IARS2: variants seen among roughly 807,000 people sequenced by gnomAD.
The protein encoded by IARS2 is isoleucyl-tRNA synthetase 2, mitochondrial, also known as isoleucine--tRNA ligase, mitochondrial.
In IARS2, 56 loss-of-function variants were observed where a neutral mutation model predicts 126.3. The ratio of observed to expected loss-of-function variants is 0.44; its 90% CI spans 0.36 to 0.55. The LOEUF (loss-of-function observed/expected upper bound fraction) is 0.55, where lower values mean the gene tolerates loss of function less well. Among genes scored for constraint, IARS2 ranks in the 20% least tolerant of loss-of-function variants. The probability of loss-of-function intolerance (pLI) is 0.00; values close to 1 mark genes in which losing one functional copy is unlikely to be tolerated. For synonymous variants in IARS2, 407 were observed against 441.1 expected, an observed-to-expected ratio of 0.92 and a Z score of 0.97; for missense variants, 1,127 against 1,245.9, an observed-to-expected ratio of 0.90 and a Z score of 1.44.
chr1:220,125,368 T>C, intron 13 of IARS2, 29 bp downstream of exon 13: 1 of 1,346,920 alleles, frequency 7.4e-7, no homozygotes, highest in East Asian at 2.3e-5. Context: ...TTAACAGCCT[T>C]TGTATGTATT....
chr1:220,136,992 C>T, intron 16 of IARS2, 81 bp downstream of exon 16: 1 of 725,704 alleles, frequency 1.4e-6, no homozygotes, highest in Non-Finnish European at 2.3e-6. Flanking sequence ...ATAGTTACTT[C>T]AATGTAAAAA....
chr1:220,126,724 G>C, intron 13 of IARS2, 26 bp from the exon 14 acceptor site: 1 of 1,544,504 alleles, frequency 6.5e-7, no homozygotes, highest in Non-Finnish European at 8.9e-7. Context: ...TTGTGTACCT[G>C]ACATGCTTTT....
chr1:220,124,836 T>C (rs767996160), intron 12 of IARS2, among the ~76,000 whole-genome samples: 45 of 152,206 alleles, frequency 3.0e-4, no homozygotes, highest in Admixed American at 8.5e-4. Context: ...TCTCAGACCA[T>C]TGATTGCATC....
chr1:220,113,993 A>G (rs1425897257), intron 11 of IARS2, among the ~76,000 whole-genome samples: 1 of 152,170 alleles, frequency 6.6e-6, no homozygotes, highest in Non-Finnish European at 1.5e-5. Flanking sequence ...GAAAGCTTTT[A>G]TTACCAGTTT....
chr1:220,102,240 CCAAA>C lies in IARS2; in HGVS notation c.665_668del (p.Lys222SerfsTer2). ...TATACATTTGATGGGAAGTATGAAG[CCAAA>C]CAGTTGAGAACTTTTTACCAAATGT... is the stretch of plus-strand genomic sequence containing the variant. On this transcript the variant is annotated frameshift_variant, in exon 4 of 23. Transcript: ENST00000366922. LOFTEE classifies it high-confidence loss of function. 1 of 1,610,456 alleles carries C rather than the reference CCAAA, an allele frequency of 6.2e-7. No individual in the cohort carries two copies. Among genetic ancestry groups the C allele is most frequent in the Non-Finnish European group, 8.5e-7 (1 of 1,179,236 alleles).
chr1:220,117,476 A>G (rs539186411), intron 12 of IARS2, among the ~76,000 whole-genome samples: 4 of 152,170 alleles, frequency 2.6e-5, no homozygotes, highest in African/African-American at 9.6e-5. Flanking sequence ...CTGGGATTAC[A>G]GGCGTGAGCC....
chr1:220,106,436 A>G (rs1382431953), intron 9 of IARS2, among the ~76,000 whole-genome samples: 3 of 152,152 alleles, frequency 2.0e-5, no homozygotes, highest in Non-Finnish European at 4.4e-5. Flanking sequence ...CGTTTAGTTA[A>G]AAGGTGAGTC....
At chr1:220,124,799 T>C (rs966888560) in intron 12 of IARS2, among the ~76,000 whole-genome samples, 1 of 152,120 alleles carries the variant, frequency 6.6e-6, no homozygotes, top group African/African-American at 2.4e-5. Flanking sequence ...TTTTGTAAAG[T>C]AAAGGGATGA....
rs114053921 is a variant in IARS2, at chr1:220,131,730, C to T, written c.1838-2672C>T. Among the ~76,000 whole-genome samples the T allele has an allele frequency of 3.4e-3, 508 of 151,050 alleles. 2 individuals are homozygous for T. Among genetic ancestry groups the T allele is most frequent in the Middle Eastern group, 0.01 (3 of 288 alleles). On this transcript the variant is annotated intron_variant, in intron 14 of 22. Transcript: ENST00000366922. ...CGAACTCCTGACCTCAAGGGATCAG[C>T]GCTGCTCAGCCTCCCAAAGTGCTGG...
chr1:220,140,240 T>G lies in IARS2; in HGVS notation c.2365T>G (p.Phe789Val), dbSNP rs2102840702. 2 of 1,612,636 alleles carry G rather than the reference T, an allele frequency of 1.2e-6. No individual in the cohort carries two copies. The highest frequency in any genetic ancestry group is 4.5e-5 in the East Asian group (2 of 44,864). Residue 789 changes from phenylalanine to valine, a missense_variant, in exon 19 of 23, where the codon TTT becomes GTT. Transcript: ENST00000366922. ...FGKVVRLLRT[F>V]YTRELSNFYF... ...AAAAGTTGTTCGGCTGTTACGGACG[T>G]TTTATACCAGAGAGCTCTCTAACTT...
At chr1:220,128,895 TAG>T (rs1657205466) in intron 14 of IARS2, among the ~76,000 whole-genome samples, 1 of 149,590 alleles carries the variant, frequency 6.7e-6, no homozygotes, top group Admixed American at 6.9e-5. Context: ...ATAATATTTC[TAG>T]AGTGTGATTT....
chr1:220,106,010 G>A lies in IARS2; in HGVS notation c.1186G>A (p.Ala396Thr). 1 of 1,614,142 alleles carries A rather than the reference G, an allele frequency of 6.2e-7. No homozygotes were observed. The highest frequency in any genetic ancestry group is 8.5e-7 in the Non-Finnish European group (1 of 1,180,010). ...KGTGLVHTAP[A>T]HGMEDYGVAS... ...AACGGGATTGGTTCACACAGCCCCA[G>A]CTCATGGTATGGAAGACTACGGTGT... The change falls in exon 9 of 23, where the codon GCT becomes ACT. Residue 396 changes from alanine (A) to threonine (T), a missense_variant. Coordinates refer to ENST00000366922, the MANE Select transcript of IARS2 (RefSeq NM_018060.4).
chr1:220,103,030 GTTTTTTC>G (rs1474814311), intron 7 of IARS2, among the ~76,000 whole-genome samples: 3 of 151,470 alleles, frequency 2.0e-5, no homozygotes, highest in Non-Finnish European at 2.9e-5. Flanking sequence ...CTTGAAGTCA[GTTTTTTC>G]TTTTTTCTTT....
intron 16 of IARS2, 35 bp from the exon 17 acceptor site, chr1:220,137,883 C>T (rs758937014): frequency 1.1e-5 from 17 of 1,611,390 alleles, no homozygotes; most frequent in African/African-American, 1.3e-5. Context: ...GAATTGAAAG[C>T]CATTGTGTTT....
In IARS2 at chr1:220,146,990, CTT is replaced by C. The variant is rs372196097; in HGVS notation, c.2897-501_2897-500del. 5.7e-3 allele frequency among the ~76,000 whole-genome samples: 867 copies of C among 152,202 alleles called. 12 individuals are homozygous for C. Among genetic ancestry groups the C allele is most frequent in the African/African-American group, 0.02 (814 of 41,526 alleles). ...CCCGGCCATGTAATGTTCACATACT[CTT>C]TGTACAATGACTAGAAAATAACTTA... is the stretch of plus-strand genomic sequence containing the variant. On this transcript the variant is annotated intron_variant, in intron 22 of 22. Coordinates refer to ENST00000366922, the MANE Select transcript of IARS2 (RefSeq NM_018060.4).
At chr1:220,140,348 G>A (rs1018837480) in intron 19 of IARS2, 59 bp downstream of exon 19, 2 of 1,048,916 alleles carry the variant, frequency 1.9e-6, no homozygotes, top group African/African-American at 1.6e-5. Flanking sequence ...ACTCACGCCT[G>A]TAATCCCAGC....
At chr1:220,141,660 G>A in intron 19 of IARS2, 143 bp from the exon 20 acceptor site, 2 of 801,130 alleles carry the variant, frequency 2.5e-6, no homozygotes, top group Non-Finnish European at 4.0e-6. Context: ...AATTGTAGGA[G>A]AGTGTATTGT....
chr1:220,117,911 A>G (rs774192897), intron 12 of IARS2: 1 of 524,006 alleles, frequency 1.9e-6, no homozygotes. Flanking sequence ...AAACTCAGCT[A>G]TATTGTCTGT....
chr1:220,142,952 A>T lies in IARS2; in HGVS notation c.2569A>T (p.Ser857Cys). The part of the protein sequence containing the change: ...QHIPYIKEPK[S>C]VFRTGWISTS... ...TTTTTGTTCTTCTGAAGAGCCCAAG[A>T]GTGTTTTCCGTACTGGGTGGATTAG... The change falls in exon 21 of 23, where the codon AGT becomes TGT. Residue 857 changes from serine to cysteine, a missense_variant. Coordinates refer to ENST00000366922, the MANE Select transcript of IARS2 (RefSeq NM_018060.4). 2 of 1,608,336 alleles carry T rather than the reference A, an allele frequency of 1.2e-6. No individual in the cohort carries two copies. The highest frequency in any genetic ancestry group is 1.7e-6 in the Non-Finnish European group (2 of 1,176,260).
Sources: allele counts gnomAD v4.1 joint callset (sites outside exome capture counted in the v4.1 genomes callset), GRCh38; gene constraint gnomAD v4.1.1; transcripts MANE v1.5; gene names NCBI Gene and HGNC (gene_info 2026-07-23, HGNC 2026-07-21).